Variants in PPFIA1 observed in about 807,000 individuals in gnomAD.
The protein encoded by PPFIA1 is PPFI scaffold protein A1.
A neutral mutation model predicts 149.9 loss-of-function variants in PPFIA1; 25 were observed. The ratio of observed to expected loss-of-function variants is 0.17; its 90% CI spans 0.12 to 0.23. The LOEUF is 0.23. Ranked by LOEUF, PPFIA1 falls within the 10% of genes least tolerant of loss-of-function variation. The pLI is 1.00. For synonymous variants in PPFIA1, 549 were observed against 552.8 expected (o/e 0.99, Z 0.10); for missense variants, 1,362 against 1,506.5 (o/e 0.90, Z 1.59).
At chr11:70,289,987 G>A (rs770502913) in intron 2 of PPFIA1, among the ~76,000 whole-genome samples, 2 of 152,064 alleles carry the variant, frequency 1.3e-5, no homozygotes, top group African/African-American at 4.8e-5. Flanking sequence ...CCCACACTTC[G>A]GGAGGCTGAG....
intron 2 of PPFIA1, among the ~76,000 whole-genome samples, chr11:70,296,498 A>G (rs2052031717): frequency 6.6e-6 from 1 of 152,118 alleles, no homozygotes; most frequent in African/African-American, 2.4e-5. Context: ...CGGCCAACAC[A>G]GCGAAACCCC....
intron 23 of PPFIA1, 47 bp downstream of exon 23, chr11:70,372,621 T>C (rs2057321222): frequency 6.7e-7 from 1 of 1,489,670 alleles, no homozygotes; most frequent in Middle Eastern, 2.1e-4. Context: ...TACTTGCTGG[T>C]GTGTTTGGAG....
intron 17 of PPFIA1, 149 bp from the exon 18 acceptor site, chr11:70,355,490 C>G: frequency 4.1e-6 from 3 of 724,534 alleles, no homozygotes; most frequent in South Asian, 4.8e-5. Context: ...CTGGCCTCGC[C>G]GGGAGTCTGC....
At chr11:70,375,121 C>G (rs1469830826) in intron 24 of PPFIA1, 28 bp downstream of exon 24, 2 of 1,446,354 alleles carry the variant, frequency 1.4e-6, no homozygotes, top group Admixed American at 2.5e-5. Flanking sequence ...TGTGTCTGCA[C>G]TCATTGTTCA....
At chr11:70,276,810 G>T (rs2050404145) in intron 2 of PPFIA1, among the ~76,000 whole-genome samples, 3 of 151,840 alleles carry the variant, frequency 2.0e-5, no homozygotes, top group African/African-American at 4.8e-5. Context: ...GTTTAAAGTG[G>T]TTTGTAATCC....
chr11:70,367,932 T>C (rs892295596), intron 21 of PPFIA1, among the ~76,000 whole-genome samples: 4 of 151,330 alleles, frequency 2.6e-5, no homozygotes, highest in African/African-American at 4.9e-5. Context: ...AGCCCAGGAG[T>C]TCAAGACCAG....
chr11:70,342,630 A>G (rs2055404296), intron 14 of PPFIA1, among the ~76,000 whole-genome samples: 1 of 152,186 alleles, frequency 6.6e-6, no homozygotes, highest in African/African-American at 2.4e-5. Context: ...GGATGTGGAC[A>G]CGCAGGTTGG....
intron 2 of PPFIA1, among the ~76,000 whole-genome samples, chr11:70,314,939 C>A (rs1046870256): frequency 1.3e-5 from 2 of 152,150 alleles, no homozygotes; most frequent in African/African-American, 4.8e-5. Flanking sequence ...GAGAAGCAGG[C>A]ACCTTTTTCA....
At chr11:70,334,154 T>A (rs2054831676) in intron 10 of PPFIA1, among the ~76,000 whole-genome samples, 1 of 152,124 alleles carries the variant, frequency 6.6e-6, no homozygotes, top group East Asian at 1.9e-4. Flanking sequence ...TGGGTGGATG[T>A]CAATATGGAA....
chr11:70,336,257 C>T (rs985192507), intron 11 of PPFIA1, among the ~76,000 whole-genome samples: 1 of 152,140 alleles, frequency 6.6e-6, no homozygotes, highest in East Asian at 1.9e-4. Context: ...AATCCCAGCA[C>T]TTTGGGAGGC....
intron 16 of PPFIA1, among the ~76,000 whole-genome samples, chr11:70,352,127 G>A (rs1380698216): frequency 6.6e-6 from 1 of 152,172 alleles, no homozygotes; most frequent in Non-Finnish European, 1.5e-5. Flanking sequence ...CAAAAGTGTG[G>A]GACCTGGTCA....
chr11:70,277,017 C>CTTTTTTTT (rs762899887), intron 2 of PPFIA1, among the ~76,000 whole-genome samples: 1 of 61,344 alleles, frequency 1.6e-5, no homozygotes, highest in Non-Finnish European at 3.1e-5. Context: ...TTTTTTTTTG[C>CTTTTTTTT]TTTTTTTTTG....
intron 26 of PPFIA1, among the ~76,000 whole-genome samples, chr11:70,379,834 A>T (rs1440443779): frequency 6.6e-6 from 1 of 152,146 alleles, no homozygotes; most frequent in Non-Finnish European, 1.5e-5. Flanking sequence ...TTATTTATTT[A>T]TTGTTTGCCA....
intron 2 of PPFIA1, among the ~76,000 whole-genome samples, chr11:70,289,725 C>T (rs927013693): frequency 6.6e-6 from 1 of 152,202 alleles, no homozygotes; most frequent in Non-Finnish European, 1.5e-5. Context: ...TGCGCCACCA[C>T]GCCCCAGCTT....
intron 21 of PPFIA1, among the ~76,000 whole-genome samples, chr11:70,370,417 C>T (rs572544883): frequency 4.6e-5 from 7 of 151,892 alleles, no homozygotes; most frequent in African/African-American, 1.4e-4. Flanking sequence ...GACAGAGTCT[C>T]GCTCTATCTC....
intron 2 of PPFIA1, among the ~76,000 whole-genome samples, chr11:70,311,499 T>C (rs2053273607): frequency 6.6e-6 from 1 of 152,158 alleles, no homozygotes; most frequent in Non-Finnish European, 1.5e-5. Flanking sequence ...TAAGTAACTT[T>C]ATTTTAGCCA....
At chr11:70,325,149 G>A (rs944777649) in intron 4 of PPFIA1, 138 bp downstream of exon 4, 3 of 814,764 alleles carry the variant, frequency 3.7e-6, no homozygotes, top group African/African-American at 1.7e-5. Context: ...GGGTTTTGTA[G>A]GTTTAAAAAG....
chr11:70,337,484 T>A, intron 12 of PPFIA1, 57 bp downstream of exon 12: 2 of 1,317,212 alleles, frequency 1.5e-6, no homozygotes, highest in Non-Finnish European at 2.1e-6. Flanking sequence ...TTGATGATGA[T>A]GATAGTTACT....
At chr11:70,379,156 A>C (rs2057603710) in intron 26 of PPFIA1, among the ~76,000 whole-genome samples, 1 of 152,152 alleles carries the variant, frequency 6.6e-6, no homozygotes, top group Non-Finnish European at 1.5e-5. Context: ...CCTGTGCTAC[A>C]CACAGGTCAC....
Sources: allele counts gnomAD v4.1 joint callset (sites outside exome capture counted in the v4.1 genomes callset), GRCh38; gene constraint gnomAD v4.1.1; transcripts MANE v1.5; gene names NCBI Gene and HGNC (gene_info 2026-07-23, HGNC 2026-07-21).